CD36: variants seen among roughly 807,000 people sequenced by gnomAD.
The protein encoded by CD36 is CD36 molecule (CD36 blood group).
A neutral mutation model predicts 55.2 loss-of-function variants in CD36; 119 were observed. The observed-to-expected ratio is 2.15, with a 90% CI of 1.86 to 2.51. The LOEUF (loss-of-function observed/expected upper bound fraction) is 2.51, where lower values mean the gene tolerates loss of function less well. CD36 is among the 30% of genes most tolerant of loss of function. CD36 has a pLI of 0.00. For missense variants in CD36, 819 were observed against 555.5 expected (o/e 1.47, Z -4.77); for synonymous variants, 186 against 193.6 (o/e 0.96, Z 0.33).
intron 1 of CD36, among the ~76,000 whole-genome samples, chr7:80,608,635 A>G (rs539242174): frequency 6.6e-6 from 1 of 152,162 alleles, no homozygotes; most frequent in Non-Finnish European, 1.5e-5. Flanking sequence ...AGACTTGGGG[A>G]GATTAAAAAA....
chr7:80,623,756 A>T (rs1057102338), intron 1 of CD36: 1 of 152,174 alleles, frequency 6.6e-6, no homozygotes, highest in African/African-American at 2.4e-5. Flanking sequence ...GGTTCCTAGG[A>T]GGACTGTAAA....
chr7:80,602,879 T>G (rs1297119355), intron 1 of CD36, among the ~76,000 whole-genome samples: 1 of 152,200 alleles, frequency 6.6e-6, no homozygotes, highest in Non-Finnish European at 1.5e-5. Context: ...CCTTCTTTCA[T>G]GGAACTCTGA....
chr7:80,630,130 AAG>A lies in CD36; in HGVS notation c.-183-15954_-183-15953del, dbSNP rs150118955. On this transcript the variant is annotated intron_variant, in intron 1 of 13. Transcript: ENST00000309881. Reference sequence around the variant, plus strand: ...TACTTAGGGTGCTAAATGTGAGGTTAAGAGACTAAGTAGCAGAATAAGGTTTA... The same window carrying A: ...TACTTAGGGTGCTAAATGTGAGGTTAAGACTAAGTAGCAGAATAAGGTTTA... 2.6e-3 allele frequency among the ~76,000 whole-genome samples: 399 copies of A among 152,162 alleles called. 1 individual carries two copies. Among genetic ancestry groups the A allele is most frequent in the African/African-American group, 9.3e-3 (387 of 41,548 alleles).
At chr7:80,666,118 C>G (rs545385550) in intron 7 of CD36, 2 of 320,854 alleles carry the variant, frequency 6.2e-6, no homozygotes, top group South Asian at 6.2e-5. Flanking sequence ...ATTCATGTAT[C>G]CCATTGGAAA....
At chr7:80,611,242 C>A (rs1486267807) in intron 1 of CD36, among the ~76,000 whole-genome samples, 1 of 152,098 alleles carries the variant, frequency 6.6e-6, no homozygotes, top group African/African-American at 2.4e-5. Context: ...GATGCTCTGC[C>A]CCCCTGTTGT....
chr7:80,672,782 A>C lies in CD36; in HGVS notation c.1138A>C (p.Thr380Pro), dbSNP rs200906462. Residue 380 changes from threonine (T) to proline (P), a missense_variant, in exon 12 of 15, where the codon ACT becomes CCT. By Grantham distance (38) the Thr-to-Pro change is conservative. Coordinates refer to ENST00000447544, the MANE Select transcript of CD36 (RefSeq NM_001001548.3). Reference sequence around the variant, plus strand: ...GTTCTCTTTTTAGATAACTGGATTCACTTTACAATTTGCAAAACGGCTGCA... The same window carrying C: ...GTTCTCTTTTTAGATAACTGGATTCCCTTTACAATTTGCAAAACGGCTGCA... ...YLDIEPITGFTLQFAKRLQVN... is the reference protein window; with the variant it reads ...YLDIEPITGFPLQFAKRLQVN... 50 of 1,608,920 alleles carry C rather than the reference A, an allele frequency of 3.1e-5. No individual in the cohort carries two copies. Among genetic ancestry groups the C allele is most frequent in the Non-Finnish European group, 3.8e-5 (45 of 1,176,374 alleles).
chr7:80,659,368 G>T (rs1233560244), intron 4 of CD36, among the ~76,000 whole-genome samples: 2 of 152,084 alleles, frequency 1.3e-5, no homozygotes, highest in Non-Finnish European at 2.9e-5. Context: ...GAAATTGCTT[G>T]GGTTGAGATC....
At chr7:80,645,190 T>C (rs1411593137) in intron 1 of CD36, among the ~76,000 whole-genome samples, 1 of 151,506 alleles carries the variant, frequency 6.6e-6, no homozygotes, top group African/African-American at 2.4e-5. Context: ...CCGGCTAACT[T>C]TGTATGTTTA....
intron 1 of CD36, among the ~76,000 whole-genome samples, chr7:80,616,316 A>T (rs749827222): frequency 6.6e-6 from 1 of 152,110 alleles, no homozygotes. Context: ...TCATGTAATT[A>T]ATCAAATCTA....
intron 1 of CD36, among the ~76,000 whole-genome samples, chr7:80,616,127 G>T (rs1002260119): frequency 1.3e-5 from 2 of 152,018 alleles, no homozygotes; most frequent in Non-Finnish European, 2.9e-5. Context: ...TCCCAATAAA[G>T]CTAGTGTAAG....
intron 1 of CD36, among the ~76,000 whole-genome samples, chr7:80,612,354 C>A (rs571217718): frequency 3.9e-5 from 6 of 152,196 alleles, no homozygotes; most frequent in African/African-American, 1.4e-4. Flanking sequence ...GGCATTTATT[C>A]TTTTCTTTGC....
At chr7:80,637,301 G>T (rs769350341), upstream of CD36, among the ~76,000 whole-genome samples, 1 of 150,514 alleles carries the variant, frequency 6.6e-6, no homozygotes, top group Non-Finnish European at 1.5e-5. Context: ...ATTTTATATC[G>T]TGCCACCAAG....
chr7:80,603,382 AT>A (rs1217531824), intron 1 of CD36, among the ~76,000 whole-genome samples: 1 of 152,060 alleles, frequency 6.6e-6, no homozygotes, highest in East Asian at 1.9e-4. Flanking sequence ...GCTAGACTGA[AT>A]TCTGGGGAAC....
At chr7:80,634,218 T>C (rs1399788339), upstream of CD36, among the ~76,000 whole-genome samples, 2 of 152,016 alleles carry the variant, frequency 1.3e-5, no homozygotes, top group African/African-American at 4.8e-5. Flanking sequence ...GTGAAATACT[T>C]AGCTCCACAC....
chr7:80,671,326 T>C (rs1438552948), intron 10 of CD36, among the ~76,000 whole-genome samples, 162 bp downstream of exon 10: 1 of 152,088 alleles, frequency 6.6e-6, no homozygotes, highest in Non-Finnish European at 1.5e-5. Flanking sequence ...GCAACCAAAA[T>C]TTAAAATTAA....
chr7:80,606,856 C>A (rs1456805412), intron 1 of CD36, among the ~76,000 whole-genome samples: 5 of 152,132 alleles, frequency 3.3e-5, no homozygotes, highest in Admixed American at 3.3e-4. Context: ...GGTAAAAGTA[C>A]AGGCATCACC....
chr7:80,655,725 G>A (rs1173169810), intron 3 of CD36, among the ~76,000 whole-genome samples: 1 of 152,074 alleles, frequency 6.6e-6, no homozygotes. Flanking sequence ...TCCAGGTCAG[G>A]TGGATTGCTT....
At chr7:80,605,346 C>A (rs1792483268) in intron 1 of CD36, among the ~76,000 whole-genome samples, 1 of 152,082 alleles carries the variant, frequency 6.6e-6, no homozygotes, top group Non-Finnish European at 1.5e-5. Context: ...GTTTTCTGAA[C>A]CTTGTTCATA....
intron 8 of CD36, 28 bp from the exon 9 acceptor site, chr7:80,669,925 A>C: frequency 1.3e-6 from 2 of 1,542,260 alleles, no homozygotes; most frequent in South Asian, 1.1e-5. Context: ...CATTACATCT[A>C]ATCATTTGCC....
Sources: allele counts gnomAD v4.1 joint callset (sites outside exome capture counted in the v4.1 genomes callset), GRCh38; gene constraint gnomAD v4.1.1; transcripts MANE v1.5; gene names NCBI Gene and HGNC (gene_info 2026-07-23, HGNC 2026-07-21).